The following MET variants were observed in gnomAD, a reference collection of about 807,000 sequenced individuals.
MET encodes the protein hepatocyte growth factor receptor.
In MET, 48 loss-of-function variants were observed where a neutral mutation model predicts 133.1. That is an observed-to-expected ratio of 0.36 (90% confidence interval 0.29 to 0.46). The LOEUF (loss-of-function observed/expected upper bound fraction) is 0.46, where lower values mean the gene tolerates loss of function less well. MET is among the 20% of genes least tolerant of loss of function. The pLI, the probability that MET is intolerant of heterozygous loss-of-function variation, is 1.00. For missense variants in MET, 1,442 were observed against 1,695.9 expected (o/e 0.85, Z 2.63); for synonymous variants, 628 against 616.5 (o/e 1.02, Z -0.28).
intron 19 of MET, among the ~76,000 whole-genome samples, chr7:116,790,266 C>T (rs1172345273): frequency 8.5e-5 from 13 of 152,142 alleles, no homozygotes; most frequent in Non-Finnish European, 1.8e-4. Flanking sequence ...ATCCATTAAA[C>T]AATTCTCTCT....
At chr7:116,757,571 T>A (rs2116921951) in intron 7 of MET, 32 bp downstream of exon 7, 1 of 1,612,914 alleles carries the variant, frequency 6.2e-7, no homozygotes, top group South Asian at 1.1e-5. Flanking sequence ...CATGTTTGAT[T>A]TTTACTTAAT....
At chr7:116,777,506 T>C in intron 16 of MET, 37 bp downstream of exon 16, 2 of 1,591,354 alleles carry the variant, frequency 1.3e-6, no homozygotes, top group East Asian at 2.2e-5. Context: ...AGTATACTTT[T>C]GTGGTTTGCA....
At chr7:116,704,227 C>T (rs1018273568) in intron 2 of MET, among the ~76,000 whole-genome samples, 2 of 151,980 alleles carry the variant, frequency 1.3e-5, no homozygotes, top group African/African-American at 4.8e-5. Flanking sequence ...ATATGAGGTA[C>T]CTGGCACAAG....
At chr7:116,701,694 T>G (rs1046021524) in intron 2 of MET, among the ~76,000 whole-genome samples, 1 of 151,974 alleles carries the variant, frequency 6.6e-6, no homozygotes, top group East Asian at 1.9e-4. Flanking sequence ...CTTATGAAGC[T>G]CCCCCTTTTC....
At chr7:116,715,452 A>G (rs1792154021) in intron 2 of MET, among the ~76,000 whole-genome samples, 1 of 152,210 alleles carries the variant, frequency 6.6e-6, no homozygotes, top group South Asian at 2.1e-4. Context: ...TATAAGGACA[A>G]CAGTCATTGA....
chr7:116,710,275 T>C (rs1449898097), intron 2 of MET, among the ~76,000 whole-genome samples: 2 of 152,168 alleles, frequency 1.3e-5, no homozygotes, highest in Non-Finnish European at 2.9e-5. Flanking sequence ...AAAAAATGAT[T>C]TGTAATATAT....
At chr7:116,752,672 A>G (rs1486514176) in intron 5 of MET, among the ~76,000 whole-genome samples, 4 of 152,220 alleles carry the variant, frequency 2.6e-5, no homozygotes, top group Non-Finnish European at 4.4e-5. Flanking sequence ...AGGGCTTATA[A>G]TATCTCTTCC....
At chr7:116,697,225 CTG>C (rs1796995794) in intron 1 of MET, among the ~76,000 whole-genome samples, 1 of 152,140 alleles carries the variant, frequency 6.6e-6, no homozygotes, top group South Asian at 2.1e-4. Context: ...CTTTTTTGCA[CTG>C]TGTTTGATAT....
At chr7:116,727,324 A>T (rs951974857) in intron 2 of MET, among the ~76,000 whole-genome samples, 1 of 152,174 alleles carries the variant, frequency 6.6e-6, no homozygotes, top group East Asian at 1.9e-4. Context: ...TCCAATGGGA[A>T]CTGGGCACTG....
At chr7:116,691,854 A>G (rs1796789647) in intron 1 of MET, among the ~76,000 whole-genome samples, 1 of 152,230 alleles carries the variant, frequency 6.6e-6, no homozygotes, top group Non-Finnish European at 1.5e-5. Flanking sequence ...CTCCGTGTCA[A>G]GAGAACAGAG....
At position 116,796,500 on chromosome 7, in the gene MET, G is replaced by A. The variant is rs553602374; in HGVS notation, c.*376G>A. 1 of 395,406 alleles carries A rather than the reference G, an allele frequency of 2.5e-6. No individual in the cohort carries two copies. Among genetic ancestry groups the A allele is most frequent in the South Asian group, 3.1e-5 (1 of 32,690 alleles). 24.5% of individuals were successfully genotyped at this position (395,406 alleles called of 1,614,324 possible). On this transcript the variant is annotated 3_prime_UTR_variant, in exon 21 of 21. Coordinates refer to ENST00000397752, the MANE Select transcript of MET (RefSeq NM_000245.4). ...ACTCAGAAGAGATAGTAATGCTCAG[G>A]ACAGGAGCGGCAGCCCCAGAACAGG... is the stretch of plus-strand genomic sequence containing the variant.
chr7:116,774,314 C>T (rs756253170), intron 14 of MET, among the ~76,000 whole-genome samples: 55 of 152,192 alleles, frequency 3.6e-4, no homozygotes, highest in Non-Finnish European at 4.0e-4. Flanking sequence ...CTCTAAACAA[C>T]AGTAACACTA....
At chr7:116,780,891 T>C (rs1465169162) in intron 17 of MET, among the ~76,000 whole-genome samples, 1 of 152,210 alleles carries the variant, frequency 6.6e-6, no homozygotes, top group African/African-American at 2.4e-5. Context: ...CTCTATTCAC[T>C]GTGCTTCTGA....
In MET at chr7:116,795,924, G is replaced by A. The variant is rs587778444; in HGVS notation, c.3973G>A (p.Glu1325Lys). ...GCTAAAATGCTGGCACCCTAAAGCC[G>A]AAATGCGCCCATCCTTTTCTGAACT... The part of the protein sequence containing the change: ...VMLKCWHPKA[E>K]MRPSFSELVS... Residue 1325 changes from glutamate (E) to lysine (K), a missense_variant, in exon 21 of 21, where the codon GAA becomes AAA. Coordinates refer to ENST00000397752, the MANE Select transcript of MET (RefSeq NM_000245.4). 6.2e-6 allele frequency: 10 copies of A among 1,614,066 alleles called. No individual in the cohort carries two copies. The East Asian group carries it at 6.7e-5, about 11-fold the overall frequency.
intron 1 of MET, among the ~76,000 whole-genome samples, chr7:116,697,556 G>A (rs1007025034): frequency 6.6e-6 from 1 of 152,094 alleles, no homozygotes; most frequent in Non-Finnish European, 1.5e-5. Flanking sequence ...AATTTTGGAC[G>A]CAAATTTTGG....
intron 1 of MET, among the ~76,000 whole-genome samples, chr7:116,697,806 A>G (rs1797016519): frequency 6.6e-6 from 1 of 152,072 alleles, no homozygotes; most frequent in South Asian, 2.1e-4. Flanking sequence ...TTCCCTTGAT[A>G]CTTGTAGCTT....
chr7:116,740,700 A>G, intron 4 of MET, 152 bp from the exon 5 acceptor site: 2 of 907,844 alleles, frequency 2.2e-6, no homozygotes, highest in Non-Finnish European at 3.4e-6. Flanking sequence ...TAAAATTTTA[A>G]TCACCGTTAT....
At chr7:116,697,088 A>G (rs1796990344) in intron 1 of MET, among the ~76,000 whole-genome samples, 1 of 152,138 alleles carries the variant, frequency 6.6e-6, no homozygotes. Context: ...ACCCGACTCA[A>G]CGTGGTTAAA....
chr7:116,768,831 C>T (rs1338476724), intron 11 of MET, among the ~76,000 whole-genome samples: 1 of 152,166 alleles, frequency 6.6e-6, no homozygotes, highest in Admixed American at 6.5e-5. Flanking sequence ...TAGGTTTGCA[C>T]TTCTTTCGCA....
Sources: allele counts gnomAD v4.1 joint callset (sites outside exome capture counted in the v4.1 genomes callset), GRCh38; gene constraint gnomAD v4.1.1; transcripts MANE v1.5; gene names NCBI Gene and HGNC (gene_info 2026-07-23, HGNC 2026-07-21).